The following ADGRL2 variants were observed in gnomAD, a reference collection of about 807,000 sequenced individuals.
ADGRL2 encodes adhesion G protein-coupled receptor L2.
In ADGRL2, 44 loss-of-function variants were observed where a neutral mutation model predicts 157.4. The ratio of observed to expected loss-of-function variants is 0.28; its 90% CI spans 0.22 to 0.36. The LOEUF is 0.36. ADGRL2 is among the 10% of genes least tolerant of loss of function. The probability of loss-of-function intolerance (pLI) is 1.00; values close to 1 mark genes in which losing one functional copy is unlikely to be tolerated. For synonymous variants in ADGRL2, 585 were observed against 624.7 expected (o/e 0.94, Z 0.95); for missense variants, 1,510 against 1,768.9 (o/e 0.85, Z 2.63).
At chr1:81,985,046 A>T (rs989062494) in intron 20 of ADGRL2, among the ~76,000 whole-genome samples, 1 of 152,076 alleles carries the variant, frequency 6.6e-6, no homozygotes, top group African/African-American at 2.4e-5. Flanking sequence ...ATAAAGTAAC[A>T]TGTTTTTAAG....
rs562517852 is a variant in ADGRL2, at chr1:81,606,820, G to T, written c.-143+25840G>T. On this transcript the variant is annotated intron_variant, in intron 3 of 24. Coordinates refer to the ADGRL2 transcript ENST00000370721. ...TATGGCCTAGGCCTTTCATTTATTTGTTTATTCATTTGTGGCTTTCATATA... is the reference window on the plus strand; with the variant it reads ...TATGGCCTAGGCCTTTCATTTATTTTTTTATTCATTTGTGGCTTTCATATA... Among the ~76,000 whole-genome samples the T allele has an allele frequency of 2.6e-5, 4 of 151,832 alleles. No individual in the cohort carries two copies. In the South Asian group the frequency reaches 8.3e-4, roughly 32 times the overall value.
At chr1:81,977,881 CAA>C (rs1415200516) in intron 17 of ADGRL2, among the ~76,000 whole-genome samples, 1 of 151,556 alleles carries the variant, frequency 6.6e-6, no homozygotes, top group Non-Finnish European at 1.5e-5. Flanking sequence ...CATTCAAAAA[CAA>C]AGAGTCAGAA....
chr1:81,460,417 A>G (rs929652383), intron 2 of ADGRL2, among the ~76,000 whole-genome samples: 1 of 152,126 alleles, frequency 6.6e-6, no homozygotes, highest in Non-Finnish European at 1.5e-5. Flanking sequence ...CAGCTGCTTT[A>G]CCTCAGCCAA....
chr1:81,687,451 G>A (rs1040539179), intron 3 of ADGRL2, among the ~76,000 whole-genome samples: 1 of 152,180 alleles, frequency 6.6e-6, no homozygotes, highest in Non-Finnish European at 1.5e-5. Flanking sequence ...TCTGATACAA[G>A]AATAGCTACC....
At chr1:81,794,969 T>G (rs925791802) in intron 2 of ADGRL2, among the ~76,000 whole-genome samples, 1 of 152,220 alleles carries the variant, frequency 6.6e-6, no homozygotes, top group Non-Finnish European at 1.5e-5. Context: ...TAAAAGATCA[T>G]AGTTATATTG....
intron 1 of ADGRL2, among the ~76,000 whole-genome samples, chr1:81,756,859 CTT>C (rs2085709278): frequency 6.6e-6 from 1 of 152,158 alleles, no homozygotes; most frequent in Non-Finnish European, 1.5e-5. Context: ...TGAAGACACT[CTT>C]TGATCTAAAG....
At chr1:81,739,104 CA>C (rs1226909456) in intron 1 of ADGRL2, among the ~76,000 whole-genome samples, 1 of 152,186 alleles carries the variant, frequency 6.6e-6, no homozygotes, top group East Asian at 1.9e-4. Context: ...AACAGTAAAG[CA>C]AGCCTGGCAG....
intron 2 of ADGRL2, among the ~76,000 whole-genome samples, chr1:81,455,452 T>C (rs922532309): frequency 2.0e-5 from 3 of 152,204 alleles, no homozygotes; most frequent in African/African-American, 7.2e-5. Context: ...GTGAAAATTT[T>C]CCTTCTCATA....
chr1:81,844,366 C>G (rs759419538), intron 2 of ADGRL2, among the ~76,000 whole-genome samples: 1 of 152,104 alleles, frequency 6.6e-6, no homozygotes, highest in Non-Finnish European at 1.5e-5. Flanking sequence ...AGCATTGAAG[C>G]TCTTCATTTT....
chr1:81,776,426 A>T (rs1262562040), intron 2 of ADGRL2, among the ~76,000 whole-genome samples: 1 of 152,164 alleles, frequency 6.6e-6, no homozygotes, highest in Non-Finnish European at 1.5e-5. Flanking sequence ...TGACCTCGTG[A>T]TCTGCCCGCC....
intron 1 of ADGRL2, among the ~76,000 whole-genome samples, chr1:81,349,077 G>C (rs1231252023): frequency 6.6e-6 from 1 of 152,102 alleles, no homozygotes; most frequent in Non-Finnish European, 1.5e-5. Context: ...AAAGTTTTAT[G>C]ATTGTATATT....
chr1:81,662,618 G>A (rs573810933), intron 3 of ADGRL2, among the ~76,000 whole-genome samples: 12 of 149,612 alleles, frequency 8.0e-5, no homozygotes, highest in African/African-American at 2.7e-4. Context: ...GCAGTGGCCC[G>A]ATTTCGGCTC....
intron 17 of ADGRL2, among the ~76,000 whole-genome samples, chr1:81,977,299 A>G (rs1371579354): frequency 6.6e-6 from 1 of 151,874 alleles, no homozygotes; most frequent in East Asian, 1.9e-4. Flanking sequence ...AAACACATGT[A>G]ATGTCAAAAA....
chr1:81,675,664 C>T lies in ADGRL2; in HGVS notation c.-142-86147C>T, dbSNP rs885601. On this transcript the variant is annotated intron_variant, in intron 3 of 24. Coordinates refer to the ADGRL2 transcript ENST00000370721. ...TGGTGTGATCTTGGCTCACTGCAACCTCTGCCTCCCCAGCTCAAGGGATTC... is the reference window on the plus strand; with the variant it reads ...TGGTGTGATCTTGGCTCACTGCAACTTCTGCCTCCCCAGCTCAAGGGATTC... Among the ~76,000 whole-genome samples the T allele has an allele frequency of 3.6e-3, 547 of 152,040 alleles. 5 individuals carry two copies. The highest frequency in any genetic ancestry group is 0.012 in the African/African-American group (512 of 41,438).
At chr1:81,876,270 C>A (rs12064681) in intron 2 of ADGRL2, among the ~76,000 whole-genome samples, 1 of 151,938 alleles carries the variant, frequency 6.6e-6, no homozygotes, top group African/African-American at 2.4e-5. Context: ...TTTTTTGAAG[C>A]GGATACTTGT....
chr1:81,354,708 T>C (rs534875519), intron 1 of ADGRL2, among the ~76,000 whole-genome samples: 2 of 152,316 alleles, frequency 1.3e-5, no homozygotes, highest in South Asian at 4.1e-4. Flanking sequence ...TTGTCTTGTA[T>C]AATTAATTCC....
chr1:81,659,594 T>C (rs1570759374), intron 3 of ADGRL2, among the ~76,000 whole-genome samples: 1 of 152,164 alleles, frequency 6.6e-6, no homozygotes, highest in Non-Finnish European at 1.5e-5. Context: ...AAAAAATGGA[T>C]TGACCGCAGG....
intron 1 of ADGRL2, among the ~76,000 whole-genome samples, chr1:81,359,488 T>A (rs2075936918): frequency 6.6e-6 from 1 of 152,028 alleles, no homozygotes; most frequent in South Asian, 2.1e-4. Flanking sequence ...CAACTACATA[T>A]AAGTAATGCC....
chr1:81,526,112 A>G (rs1346559832), intron 2 of ADGRL2, among the ~76,000 whole-genome samples: 2 of 152,252 alleles, frequency 1.3e-5, no homozygotes, highest in Non-Finnish European at 2.9e-5. Flanking sequence ...ACAATTACAT[A>G]AAAGCTAAAG....
Sources: gnomAD v4.1 joint callset for allele counts (sites outside exome capture counted in the v4.1 genomes callset) on GRCh38, gnomAD v4.1.1 for gene constraint, MANE v1.5 for transcripts, NCBI Gene and HGNC (gene_info 2026-07-23, HGNC 2026-07-21) for gene names.